NEGR1: variants seen among roughly 807,000 people sequenced by gnomAD.
NEGR1 encodes the protein neuronal growth regulator 1.
A neutral mutation model predicts 40.9 loss-of-function variants in NEGR1; 10 were observed. The ratio of observed to expected loss-of-function variants is 0.24; its 90% CI spans 0.15 to 0.42. The LOEUF (loss-of-function observed/expected upper bound fraction) is 0.42, where lower values mean the gene tolerates loss of function less well. NEGR1 is among the 10% of genes least tolerant of loss of function. NEGR1 has a pLI of 1.00. For synonymous variants in NEGR1, 185 were observed against 166.8 expected, an observed-to-expected ratio of 1.11 and a Z score of -0.84; for missense variants, 352 against 438.9, an observed-to-expected ratio of 0.80 and a Z score of 1.77.
chr1:71,952,729 A>T (rs1463269818), intron 1 of NEGR1, among the ~76,000 whole-genome samples: 1 of 151,926 alleles, frequency 6.6e-6, no homozygotes, highest in Non-Finnish European at 1.5e-5. Flanking sequence ...CTGGTTTCAA[A>T]GACTCAAAGG....
At chr1:72,264,775 C>A (rs1181507894) in intron 1 of NEGR1, among the ~76,000 whole-genome samples, 1 of 150,712 alleles carries the variant, frequency 6.6e-6, no homozygotes, top group Non-Finnish European at 1.5e-5. Context: ...AATGCATAGA[C>A]TTTCTCAGTA....
At chr1:71,576,220 G>A (rs1006274960) in intron 6 of NEGR1, among the ~76,000 whole-genome samples, 20 of 152,188 alleles carry the variant, frequency 1.3e-4, no homozygotes, top group Admixed American at 2.0e-4. Context: ...ACTGGCAGGA[G>A]CTGATCATTG....
At chr1:71,942,474 T>G (rs1261685149) in intron 1 of NEGR1, among the ~76,000 whole-genome samples, 1 of 16,076 alleles carries the variant, frequency 6.2e-5, no homozygotes, top group African/African-American at 2.0e-4. Context: ...TATATATATA[T>G]ATATATATAT....
chr1:71,527,751 T>C lies in NEGR1; in HGVS notation c.940+65066A>G, dbSNP rs185690964. 3.7e-3 allele frequency among the ~76,000 whole-genome samples: 553 copies of C among 151,360 alleles called. 7 individuals are homozygous for C. The highest frequency in any genetic ancestry group is 8.7e-4 in the Non-Finnish European group (59 of 67,532). On this transcript the variant is annotated intron_variant, in intron 6 of 6. Coordinates refer to ENST00000357731, the MANE Select transcript of NEGR1 (RefSeq NM_173808.3). ...GACAATTGGACTTTTTTTTTTAGCA[T>C]AGAACTTGATGATACAATTTTAAAA...
intron 2 of NEGR1, among the ~76,000 whole-genome samples, chr1:71,852,592 C>G (rs1209819471): frequency 3.9e-5 from 6 of 152,090 alleles, no homozygotes; most frequent in Non-Finnish European, 7.4e-5. Flanking sequence ...TGCAACATTT[C>G]CAGACAATAG....
chr1:72,217,901 T>C (rs1653877548), intron 1 of NEGR1, among the ~76,000 whole-genome samples: 1 of 151,866 alleles, frequency 6.6e-6, no homozygotes, highest in Non-Finnish European at 1.5e-5. Flanking sequence ...TAGTCTTCTA[T>C]ATCTCCAACT....
At chr1:72,039,257 C>T (rs1361881967) in intron 1 of NEGR1, among the ~76,000 whole-genome samples, 1 of 151,980 alleles carries the variant, frequency 6.6e-6, no homozygotes, top group Non-Finnish European at 1.5e-5. Flanking sequence ...AGGACATTAG[C>T]TTCTTCCTGT....
chr1:72,072,782 T>A lies in NEGR1; in HGVS notation c.177-137471A>T, dbSNP rs948676152. On this transcript the variant is annotated intron_variant, in intron 1 of 6. Coordinates refer to ENST00000357731, the MANE Select transcript of NEGR1 (RefSeq NM_173808.3). The stretch of plus-strand genomic sequence containing the variant: ...TTATAGAAAGAGAACTCCCTTTGTG[T>A]TGCTAATAGCATGATCTGCCAATGC... Among the ~76,000 whole-genome samples the A allele has an allele frequency of 2.6e-5, 4 of 152,216 alleles. No individual in the cohort carries two copies. In the East Asian group the frequency reaches 7.7e-4, roughly 29 times the overall value.
chr1:71,945,849 G>T (rs941124286), intron 1 of NEGR1, among the ~76,000 whole-genome samples: 1 of 152,072 alleles, frequency 6.6e-6, no homozygotes, highest in African/African-American at 2.4e-5. Context: ...GATCAAAGAG[G>T]CTGTGCATGG....
chr1:71,488,702 T>C (rs557982896), intron 6 of NEGR1, among the ~76,000 whole-genome samples: 1 of 151,804 alleles, frequency 6.6e-6, no homozygotes, highest in South Asian at 2.1e-4. Context: ...TATTATATTA[T>C]GAACAGATGC....
At chr1:71,613,363 G>T (rs1210978331) in intron 4 of NEGR1, among the ~76,000 whole-genome samples, 1 of 152,074 alleles carries the variant, frequency 6.6e-6, no homozygotes, top group East Asian at 1.9e-4. Flanking sequence ...AATTTTGGAG[G>T]GGGCTGTGTG....
intron 1 of NEGR1, among the ~76,000 whole-genome samples, chr1:72,190,104 G>A (rs17092442): frequency 0.017 from 2,583 of 151,414 alleles, 85 homozygotes; most frequent in African/African-American, 0.059. Flanking sequence ...TACTAGCCAC[G>A]TACACATGAA....
intron 1 of NEGR1, among the ~76,000 whole-genome samples, chr1:71,964,268 G>A (rs996984072): frequency 6.6e-6 from 1 of 152,050 alleles, no homozygotes; most frequent in African/African-American, 2.4e-5. Flanking sequence ...AATCTGGGCT[G>A]GCCTTAGTGA....
intron 1 of NEGR1, among the ~76,000 whole-genome samples, chr1:71,940,480 G>A (rs1000124562): frequency 6.6e-6 from 1 of 152,008 alleles, no homozygotes; most frequent in Non-Finnish European, 1.5e-5. Context: ...CAAACATCTG[G>A]CTATTGGAAA....
chr1:71,831,356 G>C (rs1324943398), intron 2 of NEGR1, among the ~76,000 whole-genome samples: 1 of 151,876 alleles, frequency 6.6e-6, no homozygotes, highest in African/African-American at 2.4e-5. Flanking sequence ...TAGATTGTTT[G>C]AGTGGATAAA....
intron 1 of NEGR1, among the ~76,000 whole-genome samples, chr1:72,241,803 G>A (rs1473491024): frequency 6.6e-6 from 1 of 151,282 alleles, no homozygotes; most frequent in Non-Finnish European, 1.5e-5. Flanking sequence ...GGAAAAAAAA[G>A]TAACAACACA....
At chr1:71,926,230 A>C (rs745495573) in intron 2 of NEGR1, among the ~76,000 whole-genome samples, 69 of 152,128 alleles carry the variant, frequency 4.5e-4, no homozygotes, top group Admixed American at 3.5e-3. Flanking sequence ...CAAAAACAGA[A>C]ATACTGCCTT....
intron 4 of NEGR1, among the ~76,000 whole-genome samples, chr1:71,638,255 C>A (rs763567139): frequency 6.6e-6 from 1 of 152,028 alleles, no homozygotes; most frequent in Non-Finnish European, 1.5e-5. Flanking sequence ...ACATCCTGCC[C>A]TCCAGTGTGC....
intron 2 of NEGR1, among the ~76,000 whole-genome samples, chr1:71,780,059 AAAAAAAAAAAAAG>A (rs1557649779): frequency 2.0e-5 from 3 of 148,998 alleles, no homozygotes; most frequent in African/African-American, 2.5e-5. Context: ...AAAAAAAAAA[AAAAAAAAAAAAAG>A]AAAAAAAATA....
Sources: allele counts gnomAD v4.1 joint callset (sites outside exome capture counted in the v4.1 genomes callset), GRCh38; gene constraint gnomAD v4.1.1; transcripts MANE v1.5; gene names NCBI Gene and HGNC (gene_info 2026-07-23, HGNC 2026-07-21).